Variants in SPAG16 observed in about 807,000 individuals in gnomAD.
SPAG16 encodes the protein sperm associated antigen 16.
SPAG16 carries 86 observed loss-of-function variants against 80.4 expected under a neutral mutation model. The ratio of observed to expected loss-of-function variants is 1.07; its 90% CI spans 0.90 to 1.28. The LOEUF is 1.28. Among genes scored for constraint, SPAG16 ranks in the 50% most tolerant of loss-of-function variants. The pLI is 0.00. For synonymous variants in SPAG16, 294 were observed against 265.9 expected, an observed-to-expected ratio of 1.11 and a Z score of -1.03; for missense variants, 870 against 765.3, an observed-to-expected ratio of 1.14 and a Z score of -1.61.
intron 10 of SPAG16, among the ~76,000 whole-genome samples, chr2:213,708,844 G>T (rs2065864659): frequency 6.6e-6 from 1 of 152,144 alleles, no homozygotes; most frequent in African/African-American, 2.4e-5. Context: ...AATGGCAAGT[G>T]AGTGGAGGGA....
chr2:213,931,575 A>G (rs1259812815), intron 12 of SPAG16, among the ~76,000 whole-genome samples: 3 of 152,154 alleles, frequency 2.0e-5, no homozygotes, highest in Non-Finnish European at 2.9e-5. Flanking sequence ...CTAAAATGTA[A>G]TATGTCTTTA....
intron 9 of SPAG16, among the ~76,000 whole-genome samples, chr2:213,424,770 C>G (rs1452206584): frequency 6.6e-6 from 1 of 152,146 alleles, no homozygotes; most frequent in Non-Finnish European, 1.5e-5. Context: ...ACAATTTGAG[C>G]TTTGAGAATC....
intron 15 of SPAG16, among the ~76,000 whole-genome samples, chr2:214,185,704 G>A (rs1187801829): frequency 1.3e-5 from 2 of 152,092 alleles, no homozygotes; most frequent in Non-Finnish European, 2.9e-5. Flanking sequence ...AGAATTATTG[G>A]AGACCTGTCC....
chr2:213,609,933 G>A (rs998050809), intron 10 of SPAG16, among the ~76,000 whole-genome samples: 2 of 151,796 alleles, frequency 1.3e-5, no homozygotes, highest in African/African-American at 4.8e-5. Context: ...GTAATCCCCA[G>A]GGGCACAGAG....
intron 13 of SPAG16, among the ~76,000 whole-genome samples, chr2:214,024,466 T>C (rs1055779484): frequency 6.6e-6 from 1 of 151,632 alleles, no homozygotes; most frequent in Non-Finnish European, 1.5e-5. Flanking sequence ...CACAAAATAG[T>C]TTAAATGATA....
intron 12 of SPAG16, among the ~76,000 whole-genome samples, chr2:213,963,758 T>C (rs920073347): frequency 6.6e-6 from 1 of 152,170 alleles, no homozygotes; most frequent in Non-Finnish European, 1.5e-5. Flanking sequence ...TTTACCCTTT[T>C]ACCATTTTAG....
chr2:213,987,976 T>C (rs934961873), intron 12 of SPAG16, among the ~76,000 whole-genome samples: 7 of 151,258 alleles, frequency 4.6e-5, no homozygotes, highest in Non-Finnish European at 1.0e-4. Context: ...AAGGAGATAA[T>C]GTATTTTAAA....
intron 15 of SPAG16, among the ~76,000 whole-genome samples, chr2:214,378,251 G>A (rs1410501390): frequency 2.0e-5 from 3 of 152,158 alleles, no homozygotes; most frequent in African/African-American, 2.4e-5. Context: ...AGCAGCAATT[G>A]GAAACTAATA....
intron 11 of SPAG16, among the ~76,000 whole-genome samples, chr2:213,883,820 G>C (rs2076446349): frequency 6.6e-6 from 1 of 152,082 alleles, no homozygotes; most frequent in South Asian, 2.1e-4. Flanking sequence ...TATCAGGTAT[G>C]AGAATAGTGA....
At chr2:213,529,131 G>A (rs984911612) in intron 10 of SPAG16, among the ~76,000 whole-genome samples, 3 of 152,080 alleles carry the variant, frequency 2.0e-5, no homozygotes, top group Non-Finnish European at 4.4e-5. Flanking sequence ...GAGCAGTAGG[G>A]ATGACATAAA....
chr2:214,129,180 C>G (rs1469914083), intron 14 of SPAG16, among the ~76,000 whole-genome samples: 1 of 152,122 alleles, frequency 6.6e-6, no homozygotes, highest in East Asian at 1.9e-4. Context: ...CTCACCTCAC[C>G]TCTTCTGTAC....
chr2:213,904,455 G>C (rs950060813), intron 11 of SPAG16, among the ~76,000 whole-genome samples: 1 of 152,086 alleles, frequency 6.6e-6, no homozygotes, highest in African/African-American at 2.4e-5. Context: ...CATTAGAATA[G>C]TATGGGGGAA....
At chr2:213,442,241 T>G (rs1593202) in intron 9 of SPAG16, among the ~76,000 whole-genome samples, 11,286 of 152,208 alleles carry the variant, frequency 0.074, 1,378 homozygotes, top group African/African-American at 0.25. Flanking sequence ...ATGCACCAGA[T>G]CTGTATGAGA....
chr2:213,357,506 T>C (rs144026043), intron 7 of SPAG16, among the ~76,000 whole-genome samples: 1,993 of 152,348 alleles, frequency 0.013, 42 homozygotes, highest in African/African-American at 0.044. Flanking sequence ...TTTACCATTA[T>C]GTAATGGCCT....
intron 12 of SPAG16, among the ~76,000 whole-genome samples, chr2:214,006,868 C>T (rs2047048230): frequency 1.3e-5 from 2 of 152,158 alleles, no homozygotes; most frequent in African/African-American, 4.8e-5. Flanking sequence ...TTCCCTTGAG[C>T]TATGTGAAGA....
intron 13 of SPAG16, among the ~76,000 whole-genome samples, chr2:214,025,925 A>C (rs2048103351): frequency 6.6e-6 from 1 of 151,558 alleles, no homozygotes; most frequent in Admixed American, 6.6e-5. Flanking sequence ...CTTCTGTAAA[A>C]GATTTACTAA....
At chr2:213,663,611 A>G (rs1444468132) in intron 10 of SPAG16, among the ~76,000 whole-genome samples, 1 of 152,098 alleles carries the variant, frequency 6.6e-6, no homozygotes, top group African/African-American at 2.4e-5. Flanking sequence ...GTTTGATGCA[A>G]TAGTTACATT....
intron 9 of SPAG16, among the ~76,000 whole-genome samples, chr2:213,380,749 G>T (rs576323682): frequency 2.3e-4 from 35 of 152,262 alleles, no homozygotes; most frequent in Non-Finnish European, 3.8e-4. Flanking sequence ...AGAGGCCTCC[G>T]CTGTGATTCA....
chr2:214,191,854 T>C (rs1299075624), intron 15 of SPAG16, among the ~76,000 whole-genome samples: 1 of 152,062 alleles, frequency 6.6e-6, no homozygotes, highest in African/African-American at 2.4e-5. Flanking sequence ...AAGAATTTAT[T>C]TGTGATCCCA....
Sources: gnomAD v4.1 joint callset for allele counts (sites outside exome capture counted in the v4.1 genomes callset) on GRCh38, gnomAD v4.1.1 for gene constraint, MANE v1.5 for transcripts, NCBI Gene and HGNC (gene_info 2026-07-23, HGNC 2026-07-21) for gene names.